The following TSPEAR variants were observed in gnomAD, a reference collection of about 807,000 sequenced individuals.
TSPEAR encodes the protein thrombospondin-type laminin G domain and EAR repeat-containing protein.
TSPEAR carries 69 observed loss-of-function variants against 71.6 expected under a neutral mutation model. The observed-to-expected ratio is 0.96, with a 90% confidence interval of 0.79 to 1.18. The LOEUF is 1.18. Among genes scored for constraint, TSPEAR ranks in the 50% most tolerant of loss-of-function variants. TSPEAR has a pLI of 0.00. For synonymous variants in TSPEAR, 402 were observed against 387.2 expected, an observed-to-expected ratio of 1.04 and a Z score of -0.45; for missense variants, 971 against 894.9, an observed-to-expected ratio of 1.09 and a Z score of -1.09.
At chr21:44,630,030 C>A (rs587749164) in intron 1 of TSPEAR, among the ~76,000 whole-genome samples, 12 of 152,206 alleles carry the variant, frequency 7.9e-5, no homozygotes, top group Non-Finnish European at 1.2e-4. Context: ...GGAGAGTGAC[C>A]TAGGGCTTCA....
chr21:44,703,781 T>A (rs1314541542), intron 1 of TSPEAR, among the ~76,000 whole-genome samples: 2 of 152,098 alleles, frequency 1.3e-5, no homozygotes, highest in African/African-American at 4.8e-5. Context: ...GGGTTTCCTT[T>A]GGGGCCAGTG....
intron 2 of TSPEAR, among the ~76,000 whole-genome samples, chr21:44,556,837 T>A (rs1371780427): frequency 6.6e-6 from 1 of 152,098 alleles, no homozygotes; most frequent in Non-Finnish European, 1.5e-5. Flanking sequence ...AATAAAGAAT[T>A]ACAGGATTAC....
chr21:44,592,338 C>CAGCAGCTG, intron 1 of TSPEAR: 1 of 311,854 alleles, frequency 3.2e-6, no homozygotes. Flanking sequence ...GGCAGGGGGC[C>CAGCAGCTG]GGGGCGCAGC....
At chr21:44,518,485 C>T (rs587623281) in intron 9 of TSPEAR, 47 of 388,354 alleles carry the variant, frequency 1.2e-4, no homozygotes, top group South Asian at 8.8e-4. Flanking sequence ...CCCCAACCCA[C>T]TGCAGGGATC....
rs782578698 is a variant in TSPEAR, at chr21:44,527,462, T to G, written c.979A>C (p.Thr327Pro). The change falls in exon 7 of 12, where the codon ACC becomes CCC. Residue 327 changes from threonine (T) to proline (P), a missense_variant. By Grantham distance (38) the Thr-to-Pro change is conservative. Coordinates refer to ENST00000323084, the MANE Select transcript of TSPEAR (RefSeq NM_144991.3). ...EHQNLSTNSE[T>P]LGIEVFRIPQ... Reference sequence around the variant, plus strand: ...ATGCGGAACACCTCAATGCCCAGGGTCTCTGAGTTGGTGGACAAGTTCTGA... The same window carrying G: ...ATGCGGAACACCTCAATGCCCAGGGGCTCTGAGTTGGTGGACAAGTTCTGA... 1 of 1,614,124 alleles carries G rather than the reference T, an allele frequency of 6.2e-7. No individual in the cohort carries two copies.
At chr21:44,638,929 T>C (rs2838595) in intron 1 of TSPEAR, among the ~76,000 whole-genome samples, 112,670 of 151,678 alleles carry the variant, frequency 0.74, 41,868 homozygotes, top group African/African-American at 0.77. Context: ...ACCACAGTGC[T>C]CATCCCTGCA....
At chr21:44,645,749 A>G (rs1208238442) in intron 1 of TSPEAR, among the ~76,000 whole-genome samples, 1 of 152,186 alleles carries the variant, frequency 6.6e-6, no homozygotes, top group Admixed American at 6.5e-5. Context: ...GTAATAAAAT[A>G]TATCTAATCA....
intron 9 of TSPEAR, among the ~76,000 whole-genome samples, chr21:44,513,812 G>T (rs1416626335): frequency 2.0e-5 from 3 of 152,162 alleles, no homozygotes; most frequent in African/African-American, 7.2e-5. Context: ...TCCCTCCCTA[G>T]CCACCAGAAG....
At chr21:44,697,977 C>A in intron 1 of TSPEAR, 2 of 1,584,898 alleles carry the variant, frequency 1.3e-6, no homozygotes, top group South Asian at 1.2e-5. Context: ...TGCTGCCAGG[C>A]ATGTCCCCCA....
chr21:44,658,047 C>A, intron 1 of TSPEAR: 2 of 1,613,962 alleles, frequency 1.2e-6, no homozygotes, highest in Non-Finnish European at 1.7e-6. Context: ...TGCCAGGCAT[C>A]CTGCTATGTG....
chr21:44,639,317 T>G (rs1272092797), intron 1 of TSPEAR, among the ~76,000 whole-genome samples: 2 of 152,240 alleles, frequency 1.3e-5, no homozygotes, highest in African/African-American at 4.8e-5. Context: ...CAGGTCGCTG[T>G]GCGCATTTGA....
intron 1 of TSPEAR, chr21:44,677,371 G>T: frequency 7.1e-7 from 1 of 1,408,038 alleles, no homozygotes; most frequent in Non-Finnish European, 1.0e-6. Context: ...ATGTTGGAGT[G>T]TGCATTGACA....
rs1404082319 is a variant in TSPEAR at position 44,546,396 on chromosome 21, G to A, written c.304-12473C>T. Among the ~76,000 whole-genome samples the A allele has an allele frequency of 6.6e-6, 1 of 152,164 alleles. No individual in the cohort carries two copies. The highest frequency in any genetic ancestry group is 1.5e-5 in the Non-Finnish European group (1 of 68,022). On this transcript the variant is annotated intron_variant, in intron 2 of 11. Coordinates refer to ENST00000323084, the MANE Select transcript of TSPEAR (RefSeq NM_144991.3). The surrounding 1 kb of genome is among the most constrained non-coding windows in gnomAD (Gnocchi z 4.4). ...GTTGCCCAGGCTGGAGTGCAGTGGT[G>A]CGATCTCTGCTCACTGCAAGCTCCG...
At position 44,600,763 on chromosome 21, in the gene TSPEAR, G is replaced by A. The variant is rs1292166796; in HGVS notation, c.83-32758C>T. Reference sequence around the variant, plus strand: ...GAGCTGCTGCGAGCCCCCCTGCTGCGCCCCGGCCCCCTGCCTGAGCCTGGT... The same window carrying A: ...GAGCTGCTGCGAGCCCCCCTGCTGCACCCCGGCCCCCTGCCTGAGCCTGGT... On this transcript the variant is annotated intron_variant, in intron 1 of 11. Transcript: ENST00000323084. 6.0e-5 allele frequency: 96 copies of A among 1,600,226 alleles called. 4 individuals carry two copies. In the Middle Eastern group the frequency reaches 9.1e-4, roughly 15 times the overall value.
chr21:44,702,777 C>CTCA, intron 1 of TSPEAR: 1 of 1,319,472 alleles, frequency 7.6e-7, no homozygotes, highest in Non-Finnish European at 1.1e-6. Context: ...GAGGCCTCTG[C>CTCA]TCAGGCCAGA....
intron 1 of TSPEAR, among the ~76,000 whole-genome samples, chr21:44,656,956 A>G (rs1056830334): frequency 6.6e-6 from 1 of 152,006 alleles, no homozygotes; most frequent in South Asian, 2.1e-4. Context: ...AGACCCCCCC[A>G]GCATGGGATT....
In TSPEAR at chr21:44,688,545, C is replaced by A. The variant is rs143187169; in HGVS notation, c.82+22888G>T. 7.1e-3 allele frequency among the ~76,000 whole-genome samples: 1,085 copies of A among 152,180 alleles called. 16 individuals are homozygous for A. The highest frequency in any genetic ancestry group is 0.025 in the African/African-American group (1,031 of 41,532). On this transcript the variant is annotated intron_variant, in intron 1 of 11. Coordinates refer to ENST00000323084, the MANE Select transcript of TSPEAR (RefSeq NM_144991.3). ...ACCATCCTGGCTAACACGGTGAAAC[C>A]CTGTCTCTACTAAAATTACAAAAAA...
chr21:44,512,180 G>A (rs1281544837), intron 9 of TSPEAR, among the ~76,000 whole-genome samples: 4 of 152,232 alleles, frequency 2.6e-5, no homozygotes, highest in Non-Finnish European at 4.4e-5. Context: ...GGCCTACAGG[G>A]CCTGGGTGCT....
intron 1 of TSPEAR, among the ~76,000 whole-genome samples, chr21:44,674,782 GTGTA>G (rs1362148628): frequency 6.6e-5 from 8 of 120,864 alleles, no homozygotes; most frequent in African/African-American, 2.4e-4. Context: ...GTGTGTGTGT[GTGTA>G]TAACATTACC....
Sources: allele counts gnomAD v4.1 joint callset (sites outside exome capture counted in the v4.1 genomes callset), GRCh38; gene constraint gnomAD v4.1.1; non-coding constraint Gnocchi (gnomAD v3.1); transcripts MANE v1.5; gene names NCBI Gene and HGNC (gene_info 2026-07-23, HGNC 2026-07-21).